Variants in RELN observed in about 807,000 individuals in gnomAD.
RELN encodes the protein reelin.
In RELN, 108 loss-of-function variants were observed where a neutral mutation model predicts 427.6. The ratio of observed to expected loss-of-function variants is 0.25; its 90% CI spans 0.22 to 0.30. The LOEUF (loss-of-function observed/expected upper bound fraction) is 0.30. RELN is among the 10% of genes least tolerant of loss of function. The pLI, the probability that RELN is intolerant of heterozygous loss-of-function variation, is 1.00. For synonymous variants in RELN, 1,524 were observed against 1,513.4 expected, an observed-to-expected ratio of 1.01 and a Z score of -0.16; for missense variants, 3,715 against 4,302.8, an observed-to-expected ratio of 0.86 and a Z score of 3.82.
chr7:103,808,500 G>C (rs185465413), intron 3 of RELN, among the ~76,000 whole-genome samples: 3 of 151,526 alleles, frequency 2.0e-5, no homozygotes, highest in Non-Finnish European at 4.4e-5. Flanking sequence ...ACAATCACTA[G>C]ACTTTTTAGG....
chr7:103,980,032 A>G (rs1796959075), intron 1 of RELN, among the ~76,000 whole-genome samples: 1 of 151,960 alleles, frequency 6.6e-6, no homozygotes, highest in Non-Finnish European at 1.5e-5. Context: ...GTGGTGGCGC[A>G]TGCCTATAAT....
At chr7:103,664,107 A>G (rs1833204253) in intron 11 of RELN, among the ~76,000 whole-genome samples, 1 of 152,232 alleles carries the variant, frequency 6.6e-6, no homozygotes, top group South Asian at 2.1e-4. Context: ...ACGTATTTAT[A>G]GCACACCACA....
chr7:103,843,136 G>A (rs1793593567), intron 2 of RELN, among the ~76,000 whole-genome samples: 1 of 152,092 alleles, frequency 6.6e-6, no homozygotes, highest in Non-Finnish European at 1.5e-5. Flanking sequence ...TGAGTGTACG[G>A]CACACAGTGT....
chr7:103,488,478 A>AG (rs1265854855), intron 60 of RELN, among the ~76,000 whole-genome samples: 2 of 152,230 alleles, frequency 1.3e-5, no homozygotes, highest in African/African-American at 4.8e-5. Context: ...CAATGACACC[A>AG]GGGGAGAAAG....
intron 2 of RELN, among the ~76,000 whole-genome samples, chr7:103,899,122 C>A (rs963455404): frequency 1.3e-5 from 2 of 152,080 alleles, no homozygotes; most frequent in Admixed American, 1.3e-4. Context: ...CACCACTGAT[C>A]CCACAGAAAT....
chr7:103,590,566 A>C (rs570134184), intron 27 of RELN, among the ~76,000 whole-genome samples: 1 of 147,772 alleles, frequency 6.8e-6, no homozygotes, highest in African/African-American at 2.5e-5. Context: ...TCTCAACAAT[A>C]AATAAATAAA....
chr7:103,957,383 C>G (rs1796454709), intron 1 of RELN, among the ~76,000 whole-genome samples: 2 of 152,274 alleles, frequency 1.3e-5, no homozygotes, highest in South Asian at 4.1e-4. Context: ...AAAAAGTTAT[C>G]TAATTCTAAG....
intron 22 of RELN, among the ~76,000 whole-genome samples, chr7:103,609,689 T>C (rs1363921918): frequency 6.6e-6 from 1 of 152,174 alleles, no homozygotes; most frequent in Non-Finnish European, 1.5e-5. Flanking sequence ...ACTAAAGGCA[T>C]AAAAATAACT....
At position 103,635,567 on chromosome 7, in the gene RELN, T is replaced by G; in HGVS notation, c.2323A>C (p.Arg775=). The G allele has an allele frequency of 1.2e-6, 2 of 1,613,846 alleles. No homozygotes were observed. The highest frequency in any genetic ancestry group is 1.7e-6 in the Non-Finnish European group (2 of 1,179,736). The part of the protein sequence containing the change: ...SQSRFLQFTL[R]LGSKSVLSTC... ...CTCAGAACAGATTTGCTCCCCAGTC[T>G]CAGTGTGAACTGGAGAAACCTAGAC... The change falls in exon 19 of 65, where the codon AGA becomes CGA. Residue 775 remains arginine (R), a synonymous_variant. Transcript: ENST00000428762.
intron 64 of RELN, among the ~76,000 whole-genome samples, chr7:103,474,806 GAAA>G (rs57064398): frequency 7.4e-6 from 1 of 135,700 alleles, no homozygotes; most frequent in African/African-American, 2.7e-5. Context: ...TTCCTTTTAT[GAAA>G]AAAAAAAAAA....
chr7:103,871,181 A>G (rs1794325201), intron 2 of RELN, among the ~76,000 whole-genome samples: 1 of 152,144 alleles, frequency 6.6e-6, no homozygotes, highest in African/African-American at 2.4e-5. Context: ...TTAGTACTCA[A>G]TTAAAGTAAT....
chr7:103,545,521 A>G (rs1455744211), intron 41 of RELN, among the ~76,000 whole-genome samples, 177 bp from the exon 42 acceptor site: 2 of 152,224 alleles, frequency 1.3e-5, no homozygotes, highest in Admixed American at 1.3e-4. Context: ...GATTTTGCCA[A>G]TAAAGTTCTT....
In RELN at chr7:103,817,289, A is replaced by G. The variant is rs996073167; in HGVS notation, c.473+16248T>C. 1.6e-4 allele frequency among the ~76,000 whole-genome samples: 24 copies of G among 152,206 alleles called. 1 individual carries two copies. The highest frequency in any genetic ancestry group is 1.4e-3 in the Admixed American group (22 of 15,280). On this transcript the variant is annotated intron_variant, in intron 3 of 64. Transcript: ENST00000428762. ...TAGAACAGTTTTGTGTCCCCCATAA[A>G]CTTGAATATTTCACTGTAAATCCTC...
At chr7:103,788,358 G>T (rs141122805) in intron 3 of RELN, among the ~76,000 whole-genome samples, 158 of 152,256 alleles carry the variant, frequency 1.0e-3, no homozygotes, top group African/African-American at 3.7e-3. Flanking sequence ...GCAAGACAAA[G>T]AAATAAAGGG....
intron 1 of RELN, among the ~76,000 whole-genome samples, chr7:103,985,310 A>G (rs1797074475): frequency 6.6e-6 from 1 of 152,210 alleles, no homozygotes; most frequent in Non-Finnish European, 1.5e-5. Flanking sequence ...TTGATATTTT[A>G]GAGCATACTT....
chr7:103,836,186 T>C (rs913021624), intron 2 of RELN, among the ~76,000 whole-genome samples: 14 of 152,036 alleles, frequency 9.2e-5, no homozygotes, highest in Admixed American at 2.6e-4. Context: ...AGGCTGGTTT[T>C]GGACCACAAG....
At chr7:103,658,454 T>C (rs1298306703) in intron 12 of RELN, among the ~76,000 whole-genome samples, 2 of 152,126 alleles carry the variant, frequency 1.3e-5, no homozygotes, top group East Asian at 1.9e-4. Flanking sequence ...GTGTTTTCTA[T>C]AGGTCCAGTC....
chr7:103,472,867 T>C lies in RELN; in HGVS notation c.10328A>G (p.His3443Arg). 1 of 1,613,942 alleles carries C rather than the reference T, an allele frequency of 6.2e-7. No individual in the cohort carries two copies. The highest frequency in any genetic ancestry group is 8.5e-7 in the Non-Finnish European group (1 of 1,179,850). The stretch of plus-strand genomic sequence containing the variant: ...TCTGTTGTAGAAATGTCTGAGCCCA[T>C]GTTGTCGTGAAAAATTCATCATGTA... Reference protein sequence around the residue: ...QNYMMNFSRQHGLRHFYNRRR... With the variant: ...QNYMMNFSRQRGLRHFYNRRR... The change falls in exon 65 of 65, where the codon CAT (histidine) becomes CGT (arginine). Residue 3443 changes from histidine (H) to arginine (R), a missense_variant. By Grantham distance (29) the His-to-Arg change is conservative. Coordinates refer to ENST00000428762, the MANE Select transcript of RELN (RefSeq NM_005045.4).
At chr7:103,927,856 A>T (rs1233525594) in intron 1 of RELN, among the ~76,000 whole-genome samples, 1 of 152,172 alleles carries the variant, frequency 6.6e-6, no homozygotes, top group African/African-American at 2.4e-5. Flanking sequence ...TTTAGGAAAA[A>T]GTTAAGTGAT....
Sources: gnomAD v4.1 joint callset for allele counts (sites outside exome capture counted in the v4.1 genomes callset) on GRCh38, gnomAD v4.1.1 for gene constraint, MANE v1.5 for transcripts, NCBI Gene and HGNC (gene_info 2026-07-23, HGNC 2026-07-21) for gene names.